Variants in SNX4 observed in about 807,000 individuals in gnomAD.
SNX4 encodes the protein sorting nexin-4.
A neutral mutation model predicts 70.8 loss-of-function variants in SNX4; 49 were observed. The observed-to-expected ratio is 0.69, with a 90% CI of 0.55 to 0.88. The LOEUF is 0.88. SNX4 is among the 40% of genes least tolerant of loss of function. The probability of loss-of-function intolerance (pLI) is 0.00; values close to 1 mark genes in which losing one functional copy is unlikely to be tolerated. For missense variants in SNX4, 528 were observed against 544.8 expected (o/e 0.97, Z 0.31); for synonymous variants, 206 against 183.8 (o/e 1.12, Z -0.98).
chr3:125,451,329 G>A lies in SNX4; in HGVS notation c.1281C>T (p.Val427=). ...DLKEALISYA[V]MQISMCKKGI... The stretch of plus-strand genomic sequence containing the variant: ...CCTTTTTGCACATACTGATCTGCAT[G>A]ACTGCATAGCTTATGAGGGCCTCCT... Residue 427 remains valine (V), a synonymous_variant, in exon 13 of 14, where the codon GTC becomes GTT. Coordinates refer to ENST00000251775, the MANE Select transcript of SNX4 (RefSeq NM_003794.4). 3.1e-6 allele frequency: 5 copies of A among 1,613,130 alleles called. No homozygotes were observed. The highest frequency in any genetic ancestry group is 4.2e-6 in the Non-Finnish European group (5 of 1,179,280).
At chr3:125,516,769 A>C (rs1393586866) in intron 1 of SNX4, among the ~76,000 whole-genome samples, 1 of 152,212 alleles carries the variant, frequency 6.6e-6, no homozygotes, top group Admixed American at 6.5e-5. Context: ...TGAACGCAGG[A>C]GGCAGAGTTT....
chr3:125,499,325 T>C (rs7651292), intron 2 of SNX4, among the ~76,000 whole-genome samples: 7,326 of 152,274 alleles, frequency 0.048, 414 homozygotes, highest in African/African-American at 0.13. Flanking sequence ...GCACAAGGTG[T>C]ATTTGTACAT....
chr3:125,463,332 G>C (rs373160255), intron 9 of SNX4, among the ~76,000 whole-genome samples: 1 of 152,176 alleles, frequency 6.6e-6, no homozygotes, highest in African/African-American at 2.4e-5. Flanking sequence ...CTATGATTCT[G>C]GAAGAGTTAA....
At chr3:125,506,336 T>C (rs1424321665) in intron 1 of SNX4, among the ~76,000 whole-genome samples, 1 of 150,988 alleles carries the variant, frequency 6.6e-6, no homozygotes, top group Non-Finnish European at 1.5e-5. Context: ...TTATCCCTTT[T>C]TTCATTTCTT....
chr3:125,504,512 C>G (rs111666262), intron 2 of SNX4, 111 bp downstream of exon 2: 7 of 1,079,592 alleles, frequency 6.5e-6, no homozygotes, highest in African/African-American at 6.5e-5. Flanking sequence ...AAAGTCAATC[C>G]CGAAAAAAAA....
Position 125,489,426 on chromosome 3 carries a change from C to G in SNX4, c.635G>C (p.Arg212Thr). Residue 212 changes from arginine to threonine, a missense_variant, in exon 6 of 14, where the codon AGA becomes ACA. Physicochemically the swap from Arg to Thr is moderately conservative, Grantham distance 71 (BLOSUM62 -1). Transcript: ENST00000251775. ...ACCTTACTTGTCTGGGTTTTTCACT[C>G]TGAATGTTGCATTAAGCGCTTTTAA... ...SRLKALNATF[R>T]VKNPDKRFTD... is the part of the protein sequence containing the mutation. 6.2e-7 allele frequency: 1 copy of G among 1,613,400 alleles called. No individual in the cohort carries two copies. The highest frequency in any genetic ancestry group is 8.5e-7 in the Non-Finnish European group (1 of 1,179,584).
At chr3:125,477,348 C>T (rs942597161) in intron 7 of SNX4, among the ~76,000 whole-genome samples, 2 of 152,180 alleles carry the variant, frequency 1.3e-5, no homozygotes, top group Non-Finnish European at 2.9e-5. Context: ...CCAACGAACA[C>T]ATTATTTTAA....
chr3:125,468,019 G>C (rs569057223), intron 9 of SNX4, among the ~76,000 whole-genome samples: 1 of 152,284 alleles, frequency 6.6e-6, no homozygotes, highest in Admixed American at 6.5e-5. Flanking sequence ...ACTGGATAAA[G>C]AAACTGTGGT....
At chr3:125,498,600 A>G (rs1934862415) in intron 2 of SNX4, among the ~76,000 whole-genome samples, 1 of 152,174 alleles carries the variant, frequency 6.6e-6, no homozygotes, top group Admixed American at 6.5e-5. Context: ...TTTAATCCTT[A>G]TGACAACCCT....
rs759787193 is a variant in SNX4, at chr3:125,495,250, T to TTATATATATA, written c.597+2081_597+2090dup. Among the ~76,000 whole-genome samples the TTATATATATA allele has an allele frequency of 3.3e-3, 126 of 38,088 alleles. 8 individuals are homozygous for TTATATATATA. The highest frequency in any genetic ancestry group is 0.021 in the East Asian group (17 of 796). The allele number at this position is 38,088 out of a possible 152,430, so 25.0% of individuals were successfully genotyped here. A position where few individuals can be genotyped will look rare whatever the true frequency, so the allele number is the denominator to read the frequency against. On this transcript the variant is annotated intron_variant, in intron 5 of 13. Transcript: ENST00000251775. ...GAAATGTGATACACTCATTCTCTCT[T>TTATATATATA]TATATATATATATATATATATATAT... is the stretch of plus-strand genomic sequence containing the variant.
intron 7 of SNX4, 47 bp from the exon 8 acceptor site, chr3:125,476,803 C>A (rs746358836): frequency 8.6e-7 from 1 of 1,161,028 alleles, no homozygotes; most frequent in African/African-American, 1.6e-5. Flanking sequence ...AAAGTTATAT[C>A]CTCATCTAAA....
chr3:125,464,564 CTTTTTTTTTTTTT>C (rs778518316), intron 9 of SNX4, among the ~76,000 whole-genome samples: 7 of 67,054 alleles, frequency 1.0e-4, no homozygotes, highest in Admixed American at 2.1e-4. Flanking sequence ...ATTTATCTTT[CTTTTTTTTTTTTT>C]TTTTTTTTTT....
At chr3:125,514,939 T>C (rs1047499849) in intron 1 of SNX4, among the ~76,000 whole-genome samples, 1 of 152,120 alleles carries the variant, frequency 6.6e-6, no homozygotes, top group African/African-American at 2.4e-5. Flanking sequence ...CCTGAGATTA[T>C]AAGTGTGAGC....
chr3:125,511,199 C>A (rs1935167896), intron 1 of SNX4, among the ~76,000 whole-genome samples: 1 of 152,198 alleles, frequency 6.6e-6, no homozygotes, highest in African/African-American at 2.4e-5. Flanking sequence ...TAGGCATGAG[C>A]CACCGTGCCC....
At chr3:125,494,675 G>A (rs1388526608) in intron 5 of SNX4, among the ~76,000 whole-genome samples, 2 of 152,248 alleles carry the variant, frequency 1.3e-5, no homozygotes, top group East Asian at 3.9e-4. Context: ...GTACGTCTGG[G>A]ATGAATTCAG....
At chr3:125,508,499 G>A (rs984102644) in intron 1 of SNX4, among the ~76,000 whole-genome samples, 33 of 151,758 alleles carry the variant, frequency 2.2e-4, no homozygotes, top group African/African-American at 7.0e-4. Context: ...CCCGGGAGGC[G>A]GAGCTTGCAG....
intron 9 of SNX4, among the ~76,000 whole-genome samples, chr3:125,463,551 A>T (rs1179140301): frequency 6.6e-6 from 1 of 152,234 alleles, no homozygotes; most frequent in Non-Finnish European, 1.5e-5. Flanking sequence ...ACCACAGGAC[A>T]ACTTAGGGTT....
rs577424404 is a variant in SNX4, at chr3:125,509,330, CAA to C, written c.142-4588_142-4587del. Among the ~76,000 whole-genome samples, 50 of 55,254 alleles carry C rather than the reference CAA, an allele frequency of 9.0e-4. No individual in the cohort carries two copies. The East Asian group carries it at 0.016, about 17-fold the overall frequency. The allele number at this position is 55,254 out of a possible 152,430, so 36.2% of individuals were successfully genotyped here. ...GGGCAACAAGAGCGAAACTCCGTCTCAAAAAAAAAAAAAAAAAAGAGAGAAAG... is the reference window on the plus strand; with the variant it reads ...GGGCAACAAGAGCGAAACTCCGTCTCAAAAAAAAAAAAAAAAGAGAGAAAG... On this transcript the variant is annotated intron_variant, in intron 1 of 13. Coordinates refer to ENST00000251775, the MANE Select transcript of SNX4 (RefSeq NM_003794.4).
Position 125,453,933 on chromosome 3 carries a change from T to A in SNX4, c.1067A>T (p.Lys356Met). 6.2e-7 allele frequency: 1 copy of A among 1,613,392 alleles called. No homozygotes were observed. Among genetic ancestry groups the A allele is most frequent in the Non-Finnish European group, 8.5e-7 (1 of 1,179,730 alleles). ...ACCAAAGAGCTTGGTAGTCATTCCC[T>A]TCAAAGAGAATGTTCTCACAGTCTA... ...VTGTVRTFSLKGMTTKLFGQE... is the reference protein window; with the variant it reads ...VTGTVRTFSLMGMTTKLFGQE... Residue 356 changes from lysine (K) to methionine (M), a missense_variant, in exon 12 of 14, where the codon AAG (lysine) becomes ATG (methionine). By Grantham distance (95) the Lys-to-Met change is moderately conservative (BLOSUM62 -1). This residue lies in a region of SNX4 where 159 missense variants were observed against 172.6 expected (regional missense o/e 0.92). Coordinates refer to ENST00000251775, the MANE Select transcript of SNX4 (RefSeq NM_003794.4).
Sources: allele counts gnomAD v4.1 joint callset (sites outside exome capture counted in the v4.1 genomes callset), GRCh38; gene constraint gnomAD v4.1.1; regional missense constraint gnomAD v4.1.1; transcripts MANE v1.5; gene names NCBI Gene and HGNC (gene_info 2026-07-23, HGNC 2026-07-21).